THOC7: variants seen among roughly 807,000 people sequenced by gnomAD.
The protein encoded by THOC7 is NIF3L1-binding protein 1.
THOC7 carries 22 observed loss-of-function variants against 33.1 expected under a neutral mutation model. That is an observed-to-expected ratio of 0.66 (90% confidence interval 0.47 to 0.95). The LOEUF (loss-of-function observed/expected upper bound fraction) is 0.95. THOC7 is among the 40% of genes least tolerant of loss of function. THOC7 has a pLI of 0.00. For synonymous variants in THOC7, 77 were observed against 76.8 expected (o/e 1.00, Z -0.01); for missense variants, 184 against 245.3 (o/e 0.75, Z 1.67).
At chr3:63,847,056 G>C (rs1044529105) in intron 1 of THOC7, among the ~76,000 whole-genome samples, 4 of 152,090 alleles carry the variant, frequency 2.6e-5, no homozygotes, top group Non-Finnish European at 5.9e-5. Flanking sequence ...CTCCTAGTTT[G>C]TTGGGAATGG....
At chr3:63,859,974 T>C (rs1440658229) in intron 1 of THOC7, among the ~76,000 whole-genome samples, 1 of 152,168 alleles carries the variant, frequency 6.6e-6, no homozygotes, top group Non-Finnish European at 1.5e-5. Flanking sequence ...CCATTGATTT[T>C]ATTTATTTAT....
In THOC7 at chr3:63,834,128, C is replaced by T. The variant is rs1332667642; in HGVS notation, c.*4G>A. 3.7e-6 allele frequency: 6 copies of T among 1,613,846 alleles called. No homozygotes were observed. In the South Asian group the frequency reaches 5.5e-5, roughly 15 times the overall value. On this transcript the variant is annotated 3_prime_UTR_variant, in exon 8 of 8. Transcript: ENST00000295899. ...TTCCTGGGAGTGGTGGGCAATTAGC[C>T]TGTCTATGGCTTAGGATCTGTTTCC...
At chr3:63,851,669 T>C (rs1484225611) in intron 1 of THOC7, among the ~76,000 whole-genome samples, 1 of 152,218 alleles carries the variant, frequency 6.6e-6, no homozygotes, top group Non-Finnish European at 1.5e-5. Flanking sequence ...AACTAATTAG[T>C]TATTTTTCTA....
chr3:63,836,267 G>A (rs1259810360), intron 5 of THOC7, 34 bp downstream of exon 5: 5 of 1,601,750 alleles, frequency 3.1e-6, no homozygotes, highest in Admixed American at 3.4e-5. Flanking sequence ...ATGTATAAAG[G>A]TTAGTTCCTT....
intron 1 of THOC7, among the ~76,000 whole-genome samples, chr3:63,844,510 A>C (rs777785228): frequency 4.6e-5 from 7 of 152,208 alleles, no homozygotes; most frequent in Non-Finnish European, 8.8e-5. Context: ...AATACATAAA[A>C]AAGAAGGAAG....
chr3:63,844,557 C>G (rs1701845446), intron 1 of THOC7, among the ~76,000 whole-genome samples: 2 of 152,104 alleles, frequency 1.3e-5, no homozygotes, highest in South Asian at 4.1e-4. Context: ...CAGGGGGAAC[C>G]TTGAAGAGGT....
chr3:63,846,431 G>C (rs1701898112), intron 1 of THOC7, among the ~76,000 whole-genome samples: 1 of 151,956 alleles, frequency 6.6e-6, no homozygotes, highest in Admixed American at 6.6e-5. Context: ...TTTTTAGACG[G>C]AGTTTCACTC....
At chr3:63,841,113 A>G (rs1559604019) in intron 1 of THOC7, among the ~76,000 whole-genome samples, 1 of 152,246 alleles carries the variant, frequency 6.6e-6, no homozygotes, top group Non-Finnish European at 1.5e-5. Context: ...TACTGATACC[A>G]AAAAACTCTC....
At chr3:63,857,111 A>T (rs984634199) in intron 1 of THOC7, among the ~76,000 whole-genome samples, 2 of 152,230 alleles carry the variant, frequency 1.3e-5, no homozygotes, top group African/African-American at 4.8e-5. Context: ...AATGGAACTC[A>T]AACTCAGGAG....
chr3:63,844,603 CTGA>C (rs1701846571), intron 1 of THOC7, among the ~76,000 whole-genome samples: 1 of 152,122 alleles, frequency 6.6e-6, no homozygotes, highest in African/African-American at 2.4e-5. Flanking sequence ...GGACTGTGCC[CTGA>C]TGAACAGGCT....
At chr3:63,856,519 C>T (rs1007089891) in intron 1 of THOC7, among the ~76,000 whole-genome samples, 3 of 151,992 alleles carry the variant, frequency 2.0e-5, no homozygotes, top group Non-Finnish European at 2.9e-5. Context: ...CATAAATATA[C>T]GCACCTACTA....
At chr3:63,863,476 C>A in intron 1 of THOC7, 1 of 1,165,142 alleles carries the variant, frequency 8.6e-7, no homozygotes, top group Admixed American at 4.7e-5. Flanking sequence ...CGTGTGTTCC[C>A]AGCCCACCGA....
At chr3:63,845,062 C>A (rs1484230008) in intron 1 of THOC7, 1 of 698,456 alleles carries the variant, frequency 1.4e-6, no homozygotes. Context: ...ACCTGAGACT[C>A]CTTGAGGAAC....
intron 1 of THOC7, chr3:63,863,390 C>G (rs929695200): frequency 7.8e-5 from 79 of 1,018,464 alleles, no homozygotes; most frequent in Non-Finnish European, 9.1e-5. Flanking sequence ...TGGGTCCTCA[C>G]CGCGCCCCTA....
At chr3:63,853,995 T>C (rs1168323222) in intron 1 of THOC7, among the ~76,000 whole-genome samples, 1 of 152,224 alleles carries the variant, frequency 6.6e-6, no homozygotes, top group African/African-American at 2.4e-5. Context: ...TAGATATATC[T>C]ATGTAGATAC....
chr3:63,841,810 C>T (rs1397103867), intron 1 of THOC7, among the ~76,000 whole-genome samples: 1 of 152,114 alleles, frequency 6.6e-6, no homozygotes, highest in Non-Finnish European at 1.5e-5. Flanking sequence ...AATTTTCTTA[C>T]TACAAATGTT....
At chr3:63,837,884 G>C in intron 4 of THOC7, 92 bp downstream of exon 4, 3 of 1,111,252 alleles carry the variant, frequency 2.7e-6, no homozygotes, top group Non-Finnish European at 3.8e-6. Context: ...GGTTGATTCA[G>C]GCTGCAGATT....
chr3:63,837,950 CACA>C (rs1701668959), intron 4 of THOC7, 23 bp downstream of exon 4: 2 of 1,589,472 alleles, frequency 1.3e-6, no homozygotes, highest in African/African-American at 2.7e-5. Flanking sequence ...AATGTATTTG[CACA>C]TTAAATCCCT....
intron 1 of THOC7, chr3:63,863,248 C>T (rs757602892): frequency 2.0e-4 from 33 of 167,334 alleles, no homozygotes; most frequent in Non-Finnish European, 3.7e-4. Flanking sequence ...CGCTCTGTAT[C>T]CTGACACCCC....
Sources: allele counts gnomAD v4.1 joint callset (sites outside exome capture counted in the v4.1 genomes callset), GRCh38; gene constraint gnomAD v4.1.1; transcripts MANE v1.5; gene names NCBI Gene and HGNC (gene_info 2026-07-23, HGNC 2026-07-21).